Variants in ERBB4 observed in about 807,000 individuals in gnomAD.
ERBB4 encodes the protein receptor tyrosine-protein kinase erbB-4.
A neutral mutation model predicts 158.0 loss-of-function variants in ERBB4; 42 were observed. The observed-to-expected ratio is 0.27, with a 90% CI of 0.21 to 0.34. The LOEUF (loss-of-function observed/expected upper bound fraction) is 0.34, where lower values mean the gene tolerates loss of function less well. Ranked by LOEUF, ERBB4 falls within the 10% of genes least tolerant of loss-of-function variation. The probability of loss-of-function intolerance (pLI) is 1.00; values close to 1 mark genes in which losing one functional copy is unlikely to be tolerated. For synonymous variants in ERBB4, 583 were observed against 558.7 expected, an observed-to-expected ratio of 1.04 and a Z score of -0.61; for missense variants, 1,333 against 1,624.1, an observed-to-expected ratio of 0.82 and a Z score of 3.08.
At chr2:211,710,508 T>C (rs918536047) in intron 9 of ERBB4, among the ~76,000 whole-genome samples, 1 of 152,110 alleles carries the variant, frequency 6.6e-6, no homozygotes, top group Non-Finnish European at 1.5e-5. Flanking sequence ...GCAATGTAAA[T>C]GGACTCAGAA....
At chr2:212,121,336 C>T (rs2079741660) in intron 2 of ERBB4, among the ~76,000 whole-genome samples, 2 of 152,150 alleles carry the variant, frequency 1.3e-5, no homozygotes, top group African/African-American at 4.8e-5. Flanking sequence ...GATTCTCCTT[C>T]CTCAGCCTCC....
chr2:211,781,989 C>T (rs1282485221), intron 4 of ERBB4, among the ~76,000 whole-genome samples: 1 of 152,178 alleles, frequency 6.6e-6, no homozygotes, highest in Non-Finnish European at 1.5e-5. Flanking sequence ...ATATGTCTCC[C>T]ATCCTGGCCC....
intron 2 of ERBB4, among the ~76,000 whole-genome samples, chr2:211,954,753 A>G (rs1350633607): frequency 6.6e-6 from 1 of 152,074 alleles, no homozygotes; most frequent in Non-Finnish European, 1.5e-5. Context: ...TAGCCTCTCC[A>G]TCAGTAAAGC....
At chr2:211,396,575 T>C (rs1384028697) in intron 25 of ERBB4, among the ~76,000 whole-genome samples, 1 of 152,152 alleles carries the variant, frequency 6.6e-6, no homozygotes, top group Non-Finnish European at 1.5e-5. Context: ...TGTGTGAGAA[T>C]GTAAAAAATA....
Position 212,390,152 on chromosome 2 carries a change from TG to T in ERBB4, c.82+148296del, listed in dbSNP as rs1227614278. 1.7e-4 allele frequency among the ~76,000 whole-genome samples: 26 copies of T among 152,006 alleles called. 1 individual carries two copies. The Middle Eastern group carries it at 0.01, about 60-fold the overall frequency. ...TGACTTATGTAACTGTAAATTAAAA[TG>T]TAACATCTCAGGAATTTTCATTTAA... is the stretch of plus-strand genomic sequence containing the variant. On this transcript the variant is annotated intron_variant, in intron 1 of 27. Coordinates refer to ENST00000342788, the MANE Select transcript of ERBB4 (RefSeq NM_005235.3).
chr2:212,169,213 T>C (rs763190945), intron 1 of ERBB4, among the ~76,000 whole-genome samples: 5 of 152,092 alleles, frequency 3.3e-5, no homozygotes, highest in Non-Finnish European at 5.9e-5. Context: ...AAGAAATATG[T>C]ACAAAAATAT....
At chr2:212,192,029 TGTTATATGTTA>T (rs1271986061) in intron 1 of ERBB4, among the ~76,000 whole-genome samples, 5 of 18,174 alleles carry the variant, frequency 2.8e-4, no homozygotes, top group African/African-American at 8.7e-4. Flanking sequence ...ATGTTATATA[TGTTATATGTTA>T]TATATATGTT....
At chr2:211,655,806 T>A (rs2105895177) in intron 16 of ERBB4, among the ~76,000 whole-genome samples, 1 of 152,338 alleles carries the variant, frequency 6.6e-6, no homozygotes, top group South Asian at 2.1e-4. Flanking sequence ...TAATTTTACC[T>A]TGCTCGAAAT....
At chr2:211,924,180 T>A (rs894753117) in intron 3 of ERBB4, among the ~76,000 whole-genome samples, 4 of 152,162 alleles carry the variant, frequency 2.6e-5, no homozygotes, top group Admixed American at 2.6e-4. Flanking sequence ...GCTATGGACA[T>A]CCAAAGGCTG....
intron 9 of ERBB4, among the ~76,000 whole-genome samples, chr2:211,705,940 C>T (rs2073423087): frequency 3.3e-5 from 5 of 152,100 alleles, no homozygotes. Flanking sequence ...AGTCTCTCTT[C>T]ATACAGATTA....
chr2:211,885,416 T>C (rs1008566952), intron 3 of ERBB4, among the ~76,000 whole-genome samples: 1 of 152,008 alleles, frequency 6.6e-6, no homozygotes, highest in African/African-American at 2.4e-5. Flanking sequence ...AAAAGAATAA[T>C]GGAAGATCTG....
chr2:212,061,105 G>T (rs2077750542), intron 2 of ERBB4, among the ~76,000 whole-genome samples: 1 of 151,888 alleles, frequency 6.6e-6, no homozygotes, highest in Non-Finnish European at 1.5e-5. Context: ...TCACAGGTAT[G>T]GTGTCGAAGT....
intron 1 of ERBB4, among the ~76,000 whole-genome samples, chr2:212,258,125 T>C (rs2084806460): frequency 6.6e-6 from 1 of 152,136 alleles, no homozygotes; most frequent in South Asian, 2.1e-4. Flanking sequence ...AAAAATTAAA[T>C]ATACAGTTAT....
intron 3 of ERBB4, among the ~76,000 whole-genome samples, chr2:211,874,850 T>C (rs574825393): frequency 5.1e-4 from 77 of 152,158 alleles, no homozygotes; most frequent in Middle Eastern, 3.4e-3. Flanking sequence ...AATAAAAATA[T>C]AAATCACATT....
At chr2:211,791,059 T>C (rs1443249734) in intron 3 of ERBB4, among the ~76,000 whole-genome samples, 1 of 151,918 alleles carries the variant, frequency 6.6e-6, no homozygotes. Flanking sequence ...TGTGAGAAAA[T>C]ATACTCAGGT....
intron 3 of ERBB4, among the ~76,000 whole-genome samples, chr2:211,894,470 G>C (rs1559622579): frequency 2.0e-5 from 3 of 148,384 alleles, no homozygotes; most frequent in African/African-American, 7.6e-5. Flanking sequence ...TAGATGACGA[G>C]TTAGTGGGTG....
chr2:212,061,743 T>C (rs1459900766), intron 2 of ERBB4, among the ~76,000 whole-genome samples: 4 of 150,384 alleles, frequency 2.7e-5, no homozygotes, highest in African/African-American at 4.9e-5. Flanking sequence ...TTTTCTTTTT[T>C]TTTTTTTTTT....
chr2:211,511,407 T>C (rs1375541131), intron 20 of ERBB4, among the ~76,000 whole-genome samples: 2 of 152,048 alleles, frequency 1.3e-5, no homozygotes, highest in Non-Finnish European at 2.9e-5. Context: ...ACAGATATAT[T>C]ACACAAAAGC....
At chr2:212,148,333 A>C (rs1039562769) in intron 1 of ERBB4, among the ~76,000 whole-genome samples, 52 of 152,182 alleles carry the variant, frequency 3.4e-4, no homozygotes, top group African/African-American at 1.2e-3. Context: ...CGCATAATTC[A>C]AAAAAGAAGG....
Sources: gnomAD v4.1 joint callset for allele counts (sites outside exome capture counted in the v4.1 genomes callset) on GRCh38, gnomAD v4.1.1 for gene constraint, MANE v1.5 for transcripts, NCBI Gene and HGNC (gene_info 2026-07-23, HGNC 2026-07-21) for gene names.